The following HHAT variants were observed in gnomAD, a reference collection of about 807,000 sequenced individuals.
HHAT encodes hedgehog acyltransferase.
In HHAT, 47 loss-of-function variants were observed where a neutral mutation model predicts 70.8. The ratio of observed to expected loss-of-function variants is 0.66; its 90% CI spans 0.53 to 0.85. The LOEUF (loss-of-function observed/expected upper bound fraction) is 0.85, where lower values mean the gene tolerates loss of function less well. HHAT is among the 40% of genes least tolerant of loss of function. The pLI is 0.00. For missense variants in HHAT, 609 were observed against 604.8 expected, an observed-to-expected ratio of 1.01 and a Z score of -0.07; for synonymous variants, 228 against 247.6, an observed-to-expected ratio of 0.92 and a Z score of 0.74.
intron 7 of HHAT, among the ~76,000 whole-genome samples, chr1:210,461,478 A>G (rs2093978031): frequency 6.6e-6 from 1 of 151,878 alleles, no homozygotes; most frequent in South Asian, 2.1e-4. Context: ...TTTTGTGTTT[A>G]CTTAGTAGAG....
At chr1:210,665,907 C>CT (rs947504358) in intron 11 of HHAT, among the ~76,000 whole-genome samples, 2 of 152,214 alleles carry the variant, frequency 1.3e-5, no homozygotes, top group African/African-American at 4.8e-5. Context: ...ATAGTAATTT[C>CT]TACCTCAGAG....
chr1:210,433,607 C>T (rs1018085007), intron 7 of HHAT, among the ~76,000 whole-genome samples: 6 of 151,708 alleles, frequency 4.0e-5, no homozygotes, highest in South Asian at 2.1e-4. Flanking sequence ...GTCAGGGCTC[C>T]GTTGCTACTC....
intron 11 of HHAT, among the ~76,000 whole-genome samples, chr1:210,641,733 C>A (rs940604686): frequency 1.3e-5 from 2 of 152,206 alleles, no homozygotes; most frequent in African/African-American, 4.8e-5. Flanking sequence ...TAGGGACACA[C>A]AGCATGCACA....
intron 11 of HHAT, among the ~76,000 whole-genome samples, chr1:210,638,120 G>T (rs1225631226): frequency 6.6e-6 from 1 of 152,146 alleles, no homozygotes; most frequent in Non-Finnish European, 1.5e-5. Context: ...AACAGTTTGG[G>T]CTGCAGTCTG....
chr1:210,549,706 A>G (rs1366762455), intron 9 of HHAT, among the ~76,000 whole-genome samples: 1 of 143,922 alleles, frequency 6.9e-6, no homozygotes, highest in Non-Finnish European at 1.5e-5. Context: ...TAGGATAAAA[A>G]TAAAGAAGCT....
chr1:210,551,776 A>C (rs960858847), intron 9 of HHAT, among the ~76,000 whole-genome samples: 29 of 152,350 alleles, frequency 1.9e-4, no homozygotes, highest in African/African-American at 6.3e-4. Flanking sequence ...TACTTTACAG[A>C]AGCTTTTGCC....
intron 8 of HHAT, among the ~76,000 whole-genome samples, chr1:210,506,378 T>TAA (rs1428446143): frequency 1.2e-4 from 18 of 152,178 alleles, no homozygotes; most frequent in Admixed American, 5.2e-4. Flanking sequence ...AAAGGAATCT[T>TAA]AAAGGTCATC....
chr1:210,500,839 T>C (rs2094738397), intron 8 of HHAT, among the ~76,000 whole-genome samples: 1 of 152,200 alleles, frequency 6.6e-6, no homozygotes, highest in Non-Finnish European at 1.5e-5. Flanking sequence ...TGATGTTCTG[T>C]GGGGACTGTT....
chr1:210,405,078 T>TA (rs1209817626), intron 6 of HHAT, among the ~76,000 whole-genome samples: 2 of 152,186 alleles, frequency 1.3e-5, no homozygotes, highest in Non-Finnish European at 2.9e-5. Flanking sequence ...TGGCAAATAG[T>TA]ATGTTTCCTT....
At chr1:210,346,447 G>T (rs555895891) in intron 1 of HHAT, among the ~76,000 whole-genome samples, 7 of 152,340 alleles carry the variant, frequency 4.6e-5, no homozygotes, top group Non-Finnish European at 8.8e-5. Flanking sequence ...TTCTAAAGAT[G>T]AAAGTATTTA....
At chr1:210,572,403 A>T (rs1656532475) in intron 9 of HHAT, among the ~76,000 whole-genome samples, 1 of 152,116 alleles carries the variant, frequency 6.6e-6, no homozygotes. Context: ...GTGTTTTGTG[A>T]GGGGTACCCA....
chr1:210,498,002 G>C (rs772231332), intron 8 of HHAT, among the ~76,000 whole-genome samples: 8 of 151,946 alleles, frequency 5.3e-5, no homozygotes, highest in South Asian at 4.2e-4. Flanking sequence ...TGATCCGCCC[G>C]CCTTGGCCTC....
rs555839460 is a variant in HHAT, at chr1:210,665,002, C to G, written c.1391-9286C>G. The stretch of plus-strand genomic sequence containing the variant: ...CAGCATCTCCTGGAGTCGCCTCTTT[C>G]CCTTCATTCTACTTCCCCATTGGAT... On this transcript the variant is annotated intron_variant, in intron 11 of 11. Coordinates refer to ENST00000261458, the MANE Select transcript of HHAT (RefSeq NM_018194.6). Among the ~76,000 whole-genome samples the G allele has an allele frequency of 4.6e-5, 7 of 152,298 alleles. No individual in the cohort carries two copies. In the South Asian group the frequency reaches 1.5e-3, roughly 32 times the overall value.
intron 7 of HHAT, among the ~76,000 whole-genome samples, chr1:210,460,506 A>C (rs2093957346): frequency 6.6e-6 from 1 of 152,116 alleles, no homozygotes; most frequent in South Asian, 2.1e-4. Context: ...CTCTGCGTTT[A>C]GGTTGTTGCC....
chr1:210,332,725 A>C (rs2143591), intron 1 of HHAT, among the ~76,000 whole-genome samples: 18,207 of 152,276 alleles, frequency 0.12, 1,584 homozygotes, highest in Admixed American at 0.27. Flanking sequence ...TGAAGGTTTC[A>C]TGGCTTCATT....
At chr1:210,520,206 AG>A (rs1222774191) in intron 9 of HHAT, among the ~76,000 whole-genome samples, 10 of 152,038 alleles carry the variant, frequency 6.6e-5, no homozygotes, top group African/African-American at 2.4e-4. Flanking sequence ...TAGTAGAGAC[AG>A]GGTTTCACTG....
chr1:210,524,640 A>C (rs2095218373), intron 9 of HHAT, among the ~76,000 whole-genome samples: 1 of 152,144 alleles, frequency 6.6e-6, no homozygotes, highest in Non-Finnish European at 1.5e-5. Flanking sequence ...AAGGGTTTTA[A>C]GTAGGGGAGT....
At chr1:210,386,230 C>CTTTCTTTTTTTCTTTCTTTT (rs1324452281) in intron 3 of HHAT, among the ~76,000 whole-genome samples, 2 of 69,926 alleles carry the variant, frequency 2.9e-5, no homozygotes, top group South Asian at 1.3e-3. Context: ...TTCTTTTTTT[C>CTTTCTTTTTTTCTTTCTTTT]TTTTTTTTTT....
At chr1:210,385,285 A>T (rs1454664574) in intron 3 of HHAT, among the ~76,000 whole-genome samples, 3 of 134,832 alleles carry the variant, frequency 2.2e-5, no homozygotes, top group African/African-American at 2.8e-5. Context: ...AGTTTGTATT[A>T]AAAAAGTGTC....
Sources: allele counts gnomAD v4.1 joint callset (sites outside exome capture counted in the v4.1 genomes callset), GRCh38; gene constraint gnomAD v4.1.1; transcripts MANE v1.5; gene names NCBI Gene and HGNC (gene_info 2026-07-23, HGNC 2026-07-21).